MYH7B: variants seen among roughly 807,000 people sequenced by gnomAD.
MYH7B encodes myosin heavy chain 7B.
Under a neutral mutation model 234.5 loss-of-function variants are expected in MYH7B, and 205 were observed. The observed-to-expected ratio is 0.87, with a 90% CI of 0.78 to 0.98. The LOEUF (loss-of-function observed/expected upper bound fraction) is 0.98, where lower values mean the gene tolerates loss of function less well. Ranked by LOEUF, MYH7B falls within the 50% of genes least tolerant of loss-of-function variation. The pLI is 0.00. For missense variants in MYH7B, 2,652 were observed against 2,633.4 expected, an observed-to-expected ratio of 1.01 and a Z score of -0.15; for synonymous variants, 1,193 against 1,105.0, an observed-to-expected ratio of 1.08 and a Z score of -1.58.
chr20:34,996,436 C>A, exon 29 of MYH7B: 1 of 1,613,542 alleles, frequency 6.2e-7, no homozygotes, highest in Non-Finnish European at 8.5e-7. Context: ...GGCCCACCAA[C>A]AGGCCCTGGG....
exon 21 of MYH7B, chr20:34,990,043 G>C (rs1459720098): frequency 6.2e-7 from 1 of 1,614,174 alleles, no homozygotes; most frequent in South Asian, 1.1e-5. Context: ...GCTGGCTGGA[G>C]AAAAACAAGG....
intron 2 of MYH7B, among the ~76,000 whole-genome samples, chr20:34,963,821 ACTT>A (rs2147151051): frequency 6.6e-6 from 1 of 152,294 alleles, no homozygotes; most frequent in Admixed American, 6.5e-5. Context: ...AATATATGAC[ACTT>A]TTTCATGGTA....
intron 30 of MYH7B, 54 bp from the exon 31 acceptor site, chr20:34,997,029 G>C: frequency 6.6e-7 from 1 of 1,516,820 alleles, no homozygotes; most frequent in South Asian, 1.2e-5. Flanking sequence ...TGGGGTCCCA[G>C]GCGGGTGGGT....
exon 13 of MYH7B, chr20:34,985,113 C>G: frequency 6.2e-7 from 1 of 1,614,078 alleles, no homozygotes; most frequent in Non-Finnish European, 8.5e-7. Context: ...AGCTGGCATC[C>G]GCGGATATTG....
At chr20:34,976,005 T>C (rs2081849634) in intron 3 of MYH7B, among the ~76,000 whole-genome samples, 1 of 152,228 alleles carries the variant, frequency 6.6e-6, no homozygotes, top group Admixed American at 6.5e-5. Flanking sequence ...CGTGAGCCAC[T>C]GCGCTTGGCC....
exon 44 of MYH7B, chr20:35,001,961 A>G (rs554642856): frequency 1.9e-6 from 3 of 1,613,472 alleles, no homozygotes; most frequent in Admixed American, 1.7e-5. Context: ...CAGCAGGCCA[A>G]CACCAACCTG....
At chr20:35,002,079 C>G (rs781530791) in exon 44 of MYH7B, 82 of 1,613,662 alleles carry the variant, frequency 5.1e-5, no homozygotes, top group Non-Finnish European at 6.8e-5. Flanking sequence ...ACGCCCTGGG[C>G]CCCAAGGTGA....
chr20:34,989,230 ATT>A (rs1487326504), intron 19 of MYH7B, among the ~76,000 whole-genome samples: 3 of 152,226 alleles, frequency 2.0e-5, no homozygotes, highest in Non-Finnish European at 2.9e-5. Context: ...CATACGATGC[ATT>A]TCTGCAGTCC....
intron 13 of MYH7B, among the ~76,000 whole-genome samples, chr20:34,985,774 G>C (rs112203644): frequency 3.0e-4 from 46 of 152,088 alleles, no homozygotes; most frequent in African/African-American, 8.0e-4. Flanking sequence ...GACACACACA[G>C]ACACACACGG....
At chr20:34,982,981 G>A (rs1009380151) in intron 10 of MYH7B, among the ~76,000 whole-genome samples, 2 of 152,228 alleles carry the variant, frequency 1.3e-5, no homozygotes, top group Non-Finnish European at 2.9e-5. Flanking sequence ...CCCAGCAGCC[G>A]GGGTTGGCAG....
chr20:34,961,304 T>G (rs1055008317), intron 2 of MYH7B, among the ~76,000 whole-genome samples: 34 of 152,310 alleles, frequency 2.2e-4, no homozygotes, highest in African/African-American at 8.2e-4. Flanking sequence ...ACATTTTATT[T>G]ATTATGAAAC....
chr20:34,968,081 T>C (rs371208481), intron 2 of MYH7B, among the ~76,000 whole-genome samples: 28 of 152,244 alleles, frequency 1.8e-4, no homozygotes, highest in Non-Finnish European at 3.5e-4. Flanking sequence ...GTTTCATTTA[T>C]TTCTCTCAAC....
At chr20:34,956,188 A>G (rs2081631435) in intron 1 of MYH7B, among the ~76,000 whole-genome samples, 181 bp downstream of exon 1, 2 of 152,174 alleles carry the variant, frequency 1.3e-5, no homozygotes, top group South Asian at 4.1e-4. Flanking sequence ...CTGAGCCTGT[A>G]TTAGAACCCA....
At chr20:34,994,998 G>A (rs1006661427) in intron 27 of MYH7B, among the ~76,000 whole-genome samples, 3 of 152,242 alleles carry the variant, frequency 2.0e-5, no homozygotes, top group South Asian at 2.1e-4. Context: ...CCAGGAGCCC[G>A]TCCGTGGCTG....
chr20:34,999,073 G>A lies in MYH7B; in HGVS notation c.4208G>A (p.Arg1403Gln), dbSNP rs373986285. 1.3e-4 allele frequency: 214 copies of A among 1,610,830 alleles called. 2 individuals carry two copies. Among genetic ancestry groups the A allele is most frequent in the South Asian group, 1.1e-3 (102 of 90,818 alleles). Residue 1403 changes from arginine to glutamine, a missense_variant, in exon 36 of 45, where the codon CGG becomes CAG. By Grantham distance (43) the Arg-to-Gln change is conservative. This residue lies in a region of MYH7B where 2,279 missense variants were observed against 2,211.4 expected (regional missense o/e 1.03). Transcript: ENST00000262873. ...TGGCCTAGAAAAAAGCTGGCACTGCGGCTGCAGGAGGCAGAGGAGGGCGTG... is the reference window on the plus strand; with the variant it reads ...TGGCCTAGAAAAAAGCTGGCACTGCAGCTGCAGGAGGCAGAGGAGGGCGTG...
chr20:35,000,628 G>T (rs774119764), exon 39 of MYH7B: 1 of 1,577,368 alleles, frequency 6.3e-7, no homozygotes, highest in East Asian at 2.3e-5. Context: ...GAGCGCAGCC[G>T]GCGACTGGCA....
In MYH7B at chr20:34,998,763, CTG is replaced by C. The variant is rs1195902764; in HGVS notation, c.4041_4042del (p.Cys1347Ter). The C allele has an allele frequency of 1.2e-6, 2 of 1,612,762 alleles. No homozygotes were observed. The highest frequency in any genetic ancestry group is 1.3e-5 in the African/African-American group (1 of 74,948). ...ACGCCGTGCAGGCTCTGCGGCACGA[CTG>C]TGACCTCCTGCGGGAGCAACACGAG... On this transcript the variant is annotated frameshift_variant, in exon 35 of 45. Transcript: ENST00000262873. LOFTEE classifies it high-confidence loss of function.
intron 1 of MYH7B, among the ~76,000 whole-genome samples, 190 bp downstream of exon 1, chr20:34,956,197 C>T (rs531038594): frequency 2.0e-5 from 3 of 152,278 alleles, no homozygotes; most frequent in African/African-American, 7.2e-5. Context: ...TATTAGAACC[C>T]AGGCTTGTTT....
chr20:35,000,521 G>A lies in MYH7B; in HGVS notation c.5010G>A (p.Leu1670=), dbSNP rs1045632340. 31 of 1,594,206 alleles carry A rather than the reference G, an allele frequency of 1.9e-5. 1 individual carries two copies. The highest frequency in any genetic ancestry group is 2.5e-5 in the Non-Finnish European group (29 of 1,176,260). Reference sequence around the variant, plus strand: ...CAGGGCGGGACGAGGAGCAGCGGCTGGCAGCTGAGCTCCACGAGCAGGCGC... The same window carrying A: ...CAGGGCGGGACGAGGAGCAGCGGCTAGCAGCTGAGCTCCACGAGCAGGCGC... The change falls in exon 39 of 45, where the codon CTG becomes CTA. Residue 1670 remains leucine, a synonymous_variant. Coordinates refer to ENST00000262873, the Ensembl canonical transcript of MYH7B.
Sources: allele counts gnomAD v4.1 joint callset (sites outside exome capture counted in the v4.1 genomes callset), GRCh38; gene constraint gnomAD v4.1.1; regional missense constraint gnomAD v4.1.1; transcripts MANE v1.5; gene names NCBI Gene and HGNC (gene_info 2026-07-23, HGNC 2026-07-21).